KHDC4: variants seen among roughly 807,000 people sequenced by gnomAD.
The protein encoded by KHDC4 is KH domain containing 4, pre-mRNA splicing factor, also known as KH homology domain-containing protein 4.
In KHDC4, 19 loss-of-function variants were observed where a neutral mutation model predicts 74.5. The ratio of observed to expected loss-of-function variants is 0.26; its 90% CI spans 0.18 to 0.37. The LOEUF (loss-of-function observed/expected upper bound fraction) is 0.37. KHDC4 is among the 10% of genes least tolerant of loss of function. The pLI, the probability that KHDC4 is intolerant of heterozygous loss-of-function variation, is 1.00. For missense variants in KHDC4, 632 were observed against 754.1 expected (o/e 0.84, Z 1.90); for synonymous variants, 253 against 266.1 (o/e 0.95, Z 0.48).
intron 10 of KHDC4, chr1:155,919,867 A>G (rs182433490): frequency 1.9e-5 from 5 of 263,510 alleles, no homozygotes; most frequent in African/African-American, 9.1e-5. Context: ...AAATTTGACT[A>G]GAGACCACAA....
intron 10 of KHDC4, chr1:155,919,922 C>G: frequency 2.0e-6 from 1 of 492,334 alleles, no homozygotes; most frequent in Non-Finnish European, 4.1e-6. Context: ...TGTGCAACCC[C>G]CTTCAGTGCT....
At chr1:155,923,363 A>G (rs539378238) in intron 8 of KHDC4, among the ~76,000 whole-genome samples, 10 of 152,316 alleles carry the variant, frequency 6.6e-5, no homozygotes, top group Non-Finnish European at 1.0e-4. Flanking sequence ...GAAAACCAAC[A>G]CAATGACCAG....
chr1:155,917,655 A>G lies in KHDC4; in HGVS notation c.1284T>C (p.Pro428=). The change falls in exon 11 of 14, where the codon CCT becomes CCC. Residue 428 remains proline, a synonymous_variant. Coordinates refer to ENST00000368321, the MANE Select transcript of KHDC4 (RefSeq NM_014949.4). The part of the protein sequence containing the change: ...ASTGQSPMGG[P]FIPAAPVKTA... ...TTTTGACAGGAGCAGCAGGAATAAA[A>G]GGACCACCCATCGGACTCTGGGACC... 6.4e-7 allele frequency: 1 copy of G among 1,569,422 alleles called. No homozygotes were observed. The highest frequency in any genetic ancestry group is 1.2e-5 in the South Asian group (1 of 85,764).
intron 3 of KHDC4, 29 bp from the exon 4 acceptor site, chr1:155,929,404 A>T (rs1338948542): frequency 6.4e-7 from 1 of 1,570,522 alleles, no homozygotes; most frequent in Non-Finnish European, 8.8e-7. Context: ...AATTAAAAAA[A>T]TGTGGCAATT....
intron 11 of KHDC4, 56 bp downstream of exon 11, chr1:155,917,443 G>C: frequency 7.4e-7 from 1 of 1,342,452 alleles, no homozygotes. Flanking sequence ...TTTTTTAAAG[G>C]GAGAATATAG....
intron 8 of KHDC4, among the ~76,000 whole-genome samples, chr1:155,923,168 G>A (rs1359240219): frequency 4.0e-5 from 6 of 150,206 alleles, no homozygotes; most frequent in Non-Finnish European, 7.4e-5. Flanking sequence ...TCCCGCCACT[G>A]CACTCCAGCC....
At chr1:155,924,531 G>C (rs1376272884) in intron 7 of KHDC4, among the ~76,000 whole-genome samples, 3 of 149,586 alleles carry the variant, frequency 2.0e-5, no homozygotes, top group African/African-American at 4.9e-5. Flanking sequence ...CAAAGGACTT[G>C]AATACTAAAG....
Position 155,925,554 on chromosome 1 carries a change from T to C in KHDC4, c.893+78A>G, listed in dbSNP as rs1393699188. On this transcript the variant is annotated intron_variant, in intron 7 of 13. Transcript: ENST00000368321. ...ACTATTAATTACACCCAGTTTTCTC[T>C]TGCTCCTTCTGAATCACTCCTGACT... The C allele has an allele frequency of 1.3e-5, 15 of 1,120,230 alleles. No homozygotes were observed. The East Asian group carries it at 3.3e-4, about 25-fold the overall frequency. 69.4% of individuals were successfully genotyped at this position (1,120,230 alleles called of 1,614,324 possible). A position where few individuals can be genotyped will look rare whatever the true frequency, so the allele number is the denominator to read the frequency against.
chr1:155,927,269 G>C, intron 4 of KHDC4, 113 bp from the exon 5 acceptor site: 12 of 779,814 alleles, frequency 1.5e-5, no homozygotes. Flanking sequence ...AACCAAAAGG[G>C]ACTATATACA....
At position 155,921,454 on chromosome 1, in the gene KHDC4, G is replaced by A. The variant is rs757698179; in HGVS notation, c.1187C>T (p.Pro396Leu). The A allele has an allele frequency of 3.0e-5, 48 of 1,613,964 alleles. No individual in the cohort carries two copies. Among genetic ancestry groups the A allele is most frequent in the Non-Finnish European group, 3.4e-5 (40 of 1,180,020 alleles). ...AGGTGGGACTCCAGTAGGTAATGCC[G>A]GCAAGACTCCAGGTGCTAATGAAAC... ...PAVSLAPGVLPALPTGVPPVP... is the reference protein window; with the variant it reads ...PAVSLAPGVLLALPTGVPPVP... The change falls in exon 10 of 14, where the codon CCG (proline) becomes CTG (leucine). Residue 396 changes from proline (P) to leucine (L), a missense_variant. By Grantham distance (98) the Pro-to-Leu change is moderately conservative. Coordinates refer to ENST00000368321, the MANE Select transcript of KHDC4 (RefSeq NM_014949.4).
intron 10 of KHDC4, among the ~76,000 whole-genome samples, chr1:155,920,253 C>CAT (rs1673829411): frequency 1.3e-5 from 2 of 151,130 alleles, no homozygotes; most frequent in Non-Finnish European, 3.0e-5. Flanking sequence ...TCCTGGCTAA[C>CAT]AGTGAAACCC....
At chr1:155,920,196 T>A (rs1303698668) in intron 10 of KHDC4, among the ~76,000 whole-genome samples, 2 of 152,012 alleles carry the variant, frequency 1.3e-5, no homozygotes, top group South Asian at 2.1e-4. Flanking sequence ...TCCCAGGACT[T>A]GGGGAGGCAG....
In KHDC4 at chr1:155,921,902, G is replaced by A. The variant is rs893530191; in HGVS notation, c.971C>T (p.Ser324Phe). ...NLLQTVHAEYSRFVNQINTAV... is the reference protein window; with the variant it reads ...NLLQTVHAEYFRFVNQINTAV... The stretch of plus-strand genomic sequence containing the variant: ...AGTATTAATCTGATTCACAAATCTA[G>A]AGTATTCAGCATGAACCTGAAAGAG... The change falls in exon 9 of 14, where the codon TCT becomes TTT. Residue 324 changes from serine to phenylalanine, a missense_variant. Physicochemically the swap from Ser to Phe is radical, Grantham distance 155. Around this residue, in one of 4 missense-constraint regions of KHDC4, gnomAD observed 233 missense variants for 342.6 expected, o/e 0.68. Transcript: ENST00000368321. 1 of 1,608,668 alleles carries A rather than the reference G, an allele frequency of 6.2e-7. No homozygotes were observed. Among genetic ancestry groups the A allele is most frequent in the Non-Finnish European group, 8.5e-7 (1 of 1,175,830 alleles).
chr1:155,923,766 A>G, intron 7 of KHDC4, 79 bp from the exon 8 acceptor site: 1 of 1,067,140 alleles, frequency 9.4e-7, no homozygotes, highest in Non-Finnish European at 1.4e-6. Flanking sequence ...TTTCCATGCT[A>G]TTTTACATAT....
chr1:155,915,586 C>A (rs1673714080), intron 13 of KHDC4: 1 of 390,190 alleles, frequency 2.6e-6, no homozygotes, highest in African/African-American at 2.1e-5. Context: ...TGGCTCACTG[C>A]AACCTCTGCC....
At chr1:155,926,039 A>C in intron 6 of KHDC4, 196 bp from the exon 7 acceptor site, 1 of 746,650 alleles carries the variant, frequency 1.3e-6, no homozygotes, top group Non-Finnish European at 2.5e-6. Context: ...GGAGGAATGT[A>C]TCAGCAAAGT....
In KHDC4 at chr1:155,921,862, T is replaced by C. The variant is rs1673871508; in HGVS notation, c.1011A>G (p.Pro337=). The change falls in exon 9 of 14, where the codon CCA becomes CCG. Residue 337 remains proline, a splice_region_variant and synonymous_variant. Transcript: ENST00000368321. ...VNQINTAVPL[P]GYTQPSAISS... ...TTAAACACTTCAAGATGTACACACC[T>C]GGTAAAGGTACAGCAGTATTAATCT... 7 of 1,600,484 alleles carry C rather than the reference T, an allele frequency of 4.4e-6. No individual in the cohort carries two copies. Among genetic ancestry groups the C allele is most frequent in the Non-Finnish European group, 6.0e-6 (7 of 1,169,610 alleles).
rs1182770111 is a variant in KHDC4 at position 155,921,618 on chromosome 1, T to C, written c.1023A>G (p.Gln341=). The C allele has an allele frequency of 6.2e-7, 1 of 1,613,368 alleles. No homozygotes were observed. Among genetic ancestry groups the C allele is most frequent in the African/African-American group, 1.3e-5 (1 of 74,866 alleles). ...NTAVPLPGYT[Q]PSAISSVPPQ... is the part of the protein sequence containing the mutation. ...GAGGGACACTACTTATAGCAGAGGG[T>C]TGTGTATAGCCTGAGGGGGAAGAAA... The change falls in exon 10 of 14, where the codon CAA becomes CAG. Residue 341 remains glutamine (Q), a synonymous_variant. Transcript: ENST00000368321.
In KHDC4 at chr1:155,916,682, A is replaced by G. The variant is rs1014695126; in HGVS notation, c.1496T>C (p.Ile499Thr). The stretch of plus-strand genomic sequence containing the variant: ...TGCTGGCTTCGATCCTGCACCTTCA[A>G]TCTCATTCTGACTGGAGAAGCCTGT... ...LGTGFSSQNE[I>T]EGAGSKPASS... Residue 499 changes from isoleucine (I) to threonine (T), a missense_variant, in exon 12 of 14, where the codon ATT becomes ACT. Physicochemically the swap from Ile to Thr is moderately conservative, Grantham distance 89 (BLOSUM62 -1). Around this residue, in one of 4 missense-constraint regions of KHDC4, gnomAD observed 254 missense variants for 267.4 expected, o/e 0.95. Coordinates refer to ENST00000368321, the MANE Select transcript of KHDC4 (RefSeq NM_014949.4). 6.8e-6 allele frequency: 11 copies of G among 1,613,900 alleles called. No homozygotes were observed. Among genetic ancestry groups the G allele is most frequent in the Middle Eastern group, 1.6e-4 (1 of 6,084 alleles).
Sources: gnomAD v4.1 joint callset for allele counts (sites outside exome capture counted in the v4.1 genomes callset) on GRCh38, gnomAD v4.1.1 for gene constraint, gnomAD v4.1.1 regional missense constraint, MANE v1.5 for transcripts, NCBI Gene and HGNC (gene_info 2026-07-23, HGNC 2026-07-21) for gene names.